The following TTC21B variants were observed in gnomAD, a reference collection of about 807,000 sequenced individuals.
The protein encoded by TTC21B is tetratricopeptide repeat protein 21B.
In TTC21B, 127 loss-of-function variants were observed where a neutral mutation model predicts 175.1. The observed-to-expected ratio is 0.73, with a 90% CI of 0.63 to 0.84. TTC21B has a LOEUF of 0.84. Among genes scored for constraint, TTC21B ranks in the 40% least tolerant of loss-of-function variants. The pLI is 0.00. For missense variants in TTC21B, 1,561 were observed against 1,558.3 expected (o/e 1.00, Z -0.03); for synonymous variants, 524 against 524.5 (o/e 1.00, Z 0.01).
At chr2:165,942,339 A>G (rs990284292) in intron 5 of TTC21B, among the ~76,000 whole-genome samples, 7 of 152,182 alleles carry the variant, frequency 4.6e-5, no homozygotes, top group African/African-American at 1.7e-4. Flanking sequence ...GATAGCATCA[A>G]TGGGGATTGA....
At chr2:165,936,751 C>T (rs7577219) in intron 6 of TTC21B, among the ~76,000 whole-genome samples, 2,226 of 152,138 alleles carry the variant, frequency 0.015, 68 homozygotes, top group African/African-American at 0.052. Flanking sequence ...TGAGATACCA[C>T]TACAAACCTA....
At chr2:165,910,260 G>A (rs10190083) in intron 18 of TTC21B, among the ~76,000 whole-genome samples, 44,591 of 151,838 alleles carry the variant, frequency 0.29, 7,482 homozygotes, top group Non-Finnish European at 0.39. Flanking sequence ...AAAATTAGCC[G>A]GGCGTGGTGG....
At chr2:165,938,636 C>T (rs1205001379) in intron 6 of TTC21B, among the ~76,000 whole-genome samples, 2 of 151,770 alleles carry the variant, frequency 1.3e-5, no homozygotes, top group African/African-American at 4.8e-5. Flanking sequence ...ATGGAAAATG[C>T]TACAGGACAA....
At chr2:165,897,453 G>A (rs949053934) in intron 22 of TTC21B, among the ~76,000 whole-genome samples, 2 of 152,130 alleles carry the variant, frequency 1.3e-5, no homozygotes, top group East Asian at 1.9e-4. Flanking sequence ...GGTCTGGGCC[G>A]GCACAACAGT....
At chr2:165,918,888 C>T (rs1412468693) in intron 13 of TTC21B, among the ~76,000 whole-genome samples, 1 of 152,006 alleles carries the variant, frequency 6.6e-6, no homozygotes. Context: ...AAACTAAGGT[C>T]CAAGAAATAA....
rs1288470725 is a variant in TTC21B at position 165,880,563 on chromosome 2, A to G, written c.3805+116T>C. The G allele has an allele frequency of 9.2e-6, 10 of 1,092,722 alleles. No homozygotes were observed. In the East Asian group the frequency reaches 1.5e-4, roughly 17 times the overall value. 67.7% of individuals were successfully genotyped at this position (1,092,722 alleles called of 1,614,324 possible). A position where few individuals can be genotyped will look rare whatever the true frequency, so the allele number is the denominator to read the frequency against. ...TTATTCTCCTTTCAGAAAGGTTGAC[A>G]ATGAAAATTGACTCAATGTTTATTT... On this transcript the variant is annotated intron_variant, in intron 27 of 28. Transcript: ENST00000243344.
At chr2:165,888,593 C>T in intron 24 of TTC21B, 119 bp from the exon 25 acceptor site, 2 of 736,184 alleles carry the variant, frequency 2.7e-6, no homozygotes, top group Non-Finnish European at 2.3e-6. Context: ...TTTTGTCACT[C>T]ATTTAAAAGT....
rs1685784361 is a variant in TTC21B, at chr2:165,907,672, G to GC, written c.2568+5_2568+6insG. Reference sequence around the variant, plus strand: ...CATGACCACACTCACAGACAAATGTGTTTACCTGTTGTAATGCAGTGATCG... The same window carrying GC: ...CATGACCACACTCACAGACAAATGTGCTTTACCTGTTGTAATGCAGTGATCG... On this transcript the variant is annotated splice_donor_region_variant and intron_variant, in intron 19 of 28. Coordinates refer to ENST00000243344, the MANE Select transcript of TTC21B (RefSeq NM_024753.5). The GC allele has an allele frequency of 6.3e-7, 1 of 1,581,558 alleles. No homozygotes were observed. Among genetic ancestry groups the GC allele is most frequent in the African/African-American group, 1.3e-5 (1 of 74,326 alleles).
intron 22 of TTC21B, among the ~76,000 whole-genome samples, chr2:165,894,801 G>A (rs1284224491): frequency 6.6e-6 from 1 of 152,176 alleles, no homozygotes; most frequent in Non-Finnish European, 1.5e-5. Flanking sequence ...TGGGAATATG[G>A]TGTGATCCCT....
chr2:165,920,987 G>A (rs892430903), intron 12 of TTC21B, among the ~76,000 whole-genome samples: 56 of 152,208 alleles, frequency 3.7e-4, no homozygotes, highest in Non-Finnish European at 7.2e-4. Flanking sequence ...TTTGGCTGAC[G>A]TTTGTCTTGG....
rs1201505872 is a variant in TTC21B at position 165,883,811 on chromosome 2, A to C, written c.3667T>G (p.Cys1223Gly). Residue 1223 changes from cysteine (C) to glycine (G), a missense_variant, in exon 26 of 29, where the codon TGC becomes GGC. Physicochemically the swap from Cys to Gly is radical, Grantham distance 159. Transcript: ENST00000243344. ...TCACCTACTCTATTATGACGCAGGC[A>C]CCGTTTTAACAGGTCTTCTGCCATG... ...YDMAEDLLKRCLRHNRSCCKA... is the reference protein window; with the variant it reads ...YDMAEDLLKRGLRHNRSCCKA... 2 of 1,613,644 alleles carry C rather than the reference A, an allele frequency of 1.2e-6. No individual in the cohort carries two copies. Among genetic ancestry groups the C allele is most frequent in the Non-Finnish European group, 1.7e-6 (2 of 1,179,672 alleles).
intron 19 of TTC21B, among the ~76,000 whole-genome samples, chr2:165,904,914 A>C (rs2105309707): frequency 6.6e-6 from 1 of 152,330 alleles, no homozygotes; most frequent in Admixed American, 6.5e-5. Flanking sequence ...GGAACAGTAA[A>C]GTGCCTCCAG....
chr2:165,891,834 T>C (rs765073533), intron 22 of TTC21B, among the ~76,000 whole-genome samples: 5 of 152,154 alleles, frequency 3.3e-5, no homozygotes, highest in African/African-American at 1.2e-4. Flanking sequence ...AGCTAAAGAT[T>C]AGCACATTTT....
At chr2:165,895,282 T>C (rs979029142) in intron 22 of TTC21B, among the ~76,000 whole-genome samples, 3 of 152,172 alleles carry the variant, frequency 2.0e-5, no homozygotes, top group Non-Finnish European at 4.4e-5. Flanking sequence ...TTTATATTTG[T>C]TTACAAACAG....
intron 6 of TTC21B, among the ~76,000 whole-genome samples, chr2:165,935,829 A>G (rs1046313499): frequency 6.6e-6 from 1 of 152,178 alleles, no homozygotes; most frequent in African/African-American, 2.4e-5. Context: ...AAACCAAATA[A>G]ACGGAGAGAT....
At chr2:165,915,179 A>C (rs763155511) in intron 15 of TTC21B, 22 bp downstream of exon 15, 2 of 1,586,382 alleles carry the variant, frequency 1.3e-6, no homozygotes, top group Admixed American at 1.7e-5. Flanking sequence ...TCAAAATATA[A>C]TGGGTTAAGA....
chr2:165,938,408 A>T (rs79601290), intron 6 of TTC21B, among the ~76,000 whole-genome samples: 1,817 of 152,234 alleles, frequency 0.012, 40 homozygotes, highest in African/African-American at 0.041. Context: ...GTTATTGAGC[A>T]TGAATAACTG....
At chr2:165,915,084 T>C in intron 15 of TTC21B, 117 bp downstream of exon 15, 1 of 856,284 alleles carries the variant, frequency 1.2e-6, no homozygotes, top group Non-Finnish European at 2.0e-6. Context: ...AGGACCACAT[T>C]CAGAAAACGA....
chr2:165,949,657 A>T lies in TTC21B; in HGVS notation c.89T>A (p.Ile30Asn). 6.2e-7 allele frequency: 1 copy of T among 1,613,516 alleles called. No homozygotes were observed. The highest frequency in any genetic ancestry group is 8.5e-7 in the Non-Finnish European group (1 of 1,179,808). ...HHVLLVASEG[I>N]KRYGSDPVFR... ...GACTGGATCACTTCCATACCTCTTA[A>T]TTCCTTCACTGGCAACCAGTAATAC... Residue 30 changes from isoleucine (I) to asparagine (N), a missense_variant, in exon 2 of 29, where the codon ATT (isoleucine) becomes AAT (asparagine). Transcript: ENST00000243344.
Sources: allele counts gnomAD v4.1 joint callset (sites outside exome capture counted in the v4.1 genomes callset), GRCh38; gene constraint gnomAD v4.1.1; transcripts MANE v1.5; gene names NCBI Gene and HGNC (gene_info 2026-07-23, HGNC 2026-07-21).